The following KPNA4 variants were observed in gnomAD, a reference collection of about 807,000 sequenced individuals.
KPNA4 encodes importin subunit alpha-3.
Under a neutral mutation model 71.3 loss-of-function variants are expected in KPNA4, and 13 were observed. The observed-to-expected ratio is 0.18, with a 90% confidence interval of 0.12 to 0.29. The LOEUF (loss-of-function observed/expected upper bound fraction) is 0.29. Among genes scored for constraint, KPNA4 ranks in the 10% least tolerant of loss-of-function variants. The pLI is 1.00. For synonymous variants in KPNA4, 189 were observed against 195.2 expected, an observed-to-expected ratio of 0.97 and a Z score of 0.26; for missense variants, 334 against 603.2, an observed-to-expected ratio of 0.55 and a Z score of 4.67.
intron 5 of KPNA4, among the ~76,000 whole-genome samples, chr3:160,534,357 CA>C (rs1418986669): frequency 6.6e-6 from 1 of 152,098 alleles, no homozygotes; most frequent in Non-Finnish European, 1.5e-5. Context: ...TTTATTAATA[CA>C]AAGGTCTCAG....
rs375442594 is a variant in KPNA4, at chr3:160,534,654, T to C, written c.287+859A>G. Among the ~76,000 whole-genome samples, 22 of 141,038 alleles carry C rather than the reference T, an allele frequency of 1.6e-4. No homozygotes were observed. The East Asian group carries it at 2.1e-3, about 13-fold the overall frequency. The allele number at this position is 141,038 out of a possible 152,430, so 92.5% of individuals were successfully genotyped here. A position where few individuals can be genotyped will look rare whatever the true frequency, so the allele number is the denominator to read the frequency against. ...AATGCTTGAACCCGGGAGGCAGAGG[T>C]TGCAGTGAGCTGAGATTGCGCCACT... On this transcript the variant is annotated intron_variant, in intron 5 of 16. Coordinates refer to ENST00000334256, the MANE Select transcript of KPNA4 (RefSeq NM_002268.5).
chr3:160,530,188 G>A (rs975508037), intron 7 of KPNA4, among the ~76,000 whole-genome samples: 7 of 150,872 alleles, frequency 4.6e-5, no homozygotes, highest in Non-Finnish European at 1.0e-4. Context: ...AGAGGCTGAG[G>A]CCCGGTGTGG....
At chr3:160,541,644 T>TAC (rs1425969756) in intron 1 of KPNA4, among the ~76,000 whole-genome samples, 32 of 98,194 alleles carry the variant, frequency 3.3e-4, no homozygotes, top group East Asian at 2.5e-3. Flanking sequence ...AAAAGTTATA[T>TAC]ACGCGCACAC....
chr3:160,562,518 G>A (rs1722267840), intron 1 of KPNA4, among the ~76,000 whole-genome samples: 1 of 152,090 alleles, frequency 6.6e-6, no homozygotes, highest in Non-Finnish European at 1.5e-5. Flanking sequence ...ATGTAAGTAG[G>A]CTGATAAGTG....
chr3:160,554,726 C>G (rs1420572732), intron 1 of KPNA4, among the ~76,000 whole-genome samples: 3 of 152,106 alleles, frequency 2.0e-5, no homozygotes, highest in Non-Finnish European at 4.4e-5. Flanking sequence ...ATCAATCATG[C>G]CTACATTATG....
chr3:160,502,552 G>A (rs553722871), intron 16 of KPNA4, among the ~76,000 whole-genome samples: 56 of 151,830 alleles, frequency 3.7e-4, no homozygotes, highest in Non-Finnish European at 7.4e-4. Flanking sequence ...TGTATTTTTT[G>A]TAGAGACGGA....
rs148132237 is a variant in KPNA4, at chr3:160,518,715, G to C, written c.903+3064C>G. Among the ~76,000 whole-genome samples, 86 of 151,916 alleles carry C rather than the reference G, an allele frequency of 5.7e-4. 1 individual carries two copies. The East Asian group carries it at 9.7e-3, about 17-fold the overall frequency. On this transcript the variant is annotated intron_variant, in intron 11 of 16. Coordinates refer to ENST00000334256, the MANE Select transcript of KPNA4 (RefSeq NM_002268.5). ...TCTCTACTAAAAATACAAAAAATCA[G>C]CTGGGCATGGTAGCAGGCACCTGTA...
At chr3:160,551,939 T>TGCG (rs1553788362) in intron 1 of KPNA4, among the ~76,000 whole-genome samples, 1 of 62,134 alleles carries the variant, frequency 1.6e-5, no homozygotes, top group Non-Finnish European at 4.0e-5. Flanking sequence ...TTGTCACAAC[T>TGCG]GGGGGGGGGG....
At chr3:160,513,755 G>T (rs920729625) in intron 13 of KPNA4, among the ~76,000 whole-genome samples, 3 of 152,146 alleles carry the variant, frequency 2.0e-5, no homozygotes, top group Non-Finnish European at 4.4e-5. Flanking sequence ...ATGAGGTAAT[G>T]TATGTAAAGT....
rs775986529 is a variant in KPNA4 at position 160,499,911 on chromosome 3, G to A, written c.*2193C>T. ...CTCAAAATATAGTTCAAGTTGTCTC[G>A]GTCTGTTTTACTGGAGAATGAAGGA... On this transcript the variant is annotated 3_prime_UTR_variant, in exon 17 of 17. Coordinates refer to ENST00000334256, the MANE Select transcript of KPNA4 (RefSeq NM_002268.5). 6.6e-6 allele frequency: 1 copy of A among 151,778 alleles called. No homozygotes were observed. Among genetic ancestry groups the A allele is most frequent in the Non-Finnish European group, 1.5e-5 (1 of 67,926 alleles). 9.4% of individuals were successfully genotyped at this position (151,778 alleles called of 1,614,324 possible). A position where few individuals can be genotyped will look rare whatever the true frequency, so the allele number is the denominator to read the frequency against.
chr3:160,535,527 T>C lies in KPNA4; in HGVS notation c.273A>G (p.Ala91=), dbSNP rs771084222. Residue 91 remains alanine (A), a synonymous_variant, in exon 5 of 17, where the codon GCA becomes GCG. Coordinates refer to ENST00000334256, the MANE Select transcript of KPNA4 (RefSeq NM_002268.5). ...SSDNQGIQLS[A]VQAARKLLSS... Reference sequence around the variant, plus strand: ...ATTCAACTTACCTAGCAGCTTGAACTGCACTTAATTGAATTCCTTGGTTAT... The same window carrying C: ...ATTCAACTTACCTAGCAGCTTGAACCGCACTTAATTGAATTCCTTGGTTAT... The C allele has an allele frequency of 1.9e-6, 3 of 1,601,298 alleles. No homozygotes were observed. The highest frequency in any genetic ancestry group is 2.7e-5 in the African/African-American group (2 of 74,664).
intron 1 of KPNA4, among the ~76,000 whole-genome samples, chr3:160,550,401 GTGCATGCC>G (rs1358507287): frequency 6.6e-6 from 1 of 152,166 alleles, no homozygotes; most frequent in African/African-American, 2.4e-5. Flanking sequence ...GGGACTCCAT[GTGCATGCC>G]TGCATGCCTG....
chr3:160,528,335 T>C (rs770952023), intron 7 of KPNA4, among the ~76,000 whole-genome samples: 30 of 151,846 alleles, frequency 2.0e-4, no homozygotes, highest in Non-Finnish European at 4.4e-4. Context: ...TTATCTGTAG[T>C]TTGAAAAAAA....
intron 12 of KPNA4, 89 bp downstream of exon 12, chr3:160,515,363 T>C: frequency 8.5e-7 from 1 of 1,175,304 alleles, no homozygotes; most frequent in Non-Finnish European, 1.2e-6. Flanking sequence ...AGAATCAATA[T>C]TACAGACATT....
intron 1 of KPNA4, 143 bp downstream of exon 1, chr3:160,565,071 G>A (rs1722317776): frequency 9.2e-6 from 6 of 654,050 alleles, no homozygotes; most frequent in African/African-American, 3.8e-5. Context: ...CGCTAGCAGA[G>A]GCGTCACAGA....
At chr3:160,531,942 G>A (rs1376678200) in intron 5 of KPNA4, among the ~76,000 whole-genome samples, 3 of 152,100 alleles carry the variant, frequency 2.0e-5, no homozygotes, top group Non-Finnish European at 2.9e-5. Context: ...ACAGGCGTGC[G>A]CCACCACACC....
intron 1 of KPNA4, among the ~76,000 whole-genome samples, chr3:160,555,727 C>T (rs140788825): frequency 0.011 from 1,692 of 152,078 alleles, 18 homozygotes; most frequent in Middle Eastern, 0.075. Context: ...CATTTTATAG[C>T]GGAACAATAC....
At chr3:160,502,837 G>A (rs192999534) in intron 16 of KPNA4, among the ~76,000 whole-genome samples, 17 of 152,204 alleles carry the variant, frequency 1.1e-4, no homozygotes, top group East Asian at 1.9e-4. Context: ...ACAGCTAGGC[G>A]CGGTGGCTCA....
chr3:160,548,223 TTGG>T, intron 1 of KPNA4, among the ~76,000 whole-genome samples: 1 of 152,218 alleles, frequency 6.6e-6, no homozygotes, highest in African/African-American at 2.4e-5. Flanking sequence ...TTTGTTGTTG[TTGG>T]TGGTGGTGGT....
Sources: gnomAD v4.1 joint callset for allele counts (sites outside exome capture counted in the v4.1 genomes callset) on GRCh38, gnomAD v4.1.1 for gene constraint, MANE v1.5 for transcripts, NCBI Gene and HGNC (gene_info 2026-07-23, HGNC 2026-07-21) for gene names.